Variants in UXS1 observed in about 807,000 individuals in gnomAD.
The protein encoded by UXS1 is UDP-glucuronate decarboxylase 1, also known as UDP-glucuronic acid decarboxylase 1.
UXS1 carries 33 observed loss-of-function variants against 62.6 expected under a neutral mutation model. The observed-to-expected ratio is 0.53, with a 90% confidence interval of 0.40 to 0.70. The LOEUF (loss-of-function observed/expected upper bound fraction) is 0.70. UXS1 is among the 30% of genes least tolerant of loss of function. The pLI is 0.00. For synonymous variants in UXS1, 213 were observed against 206.8 expected, an observed-to-expected ratio of 1.03 and a Z score of -0.26; for missense variants, 434 against 556.3, an observed-to-expected ratio of 0.78 and a Z score of 2.21.
intron 1 of UXS1, among the ~76,000 whole-genome samples, chr2:106,191,392 C>G (rs1161843688): frequency 6.6e-6 from 1 of 152,250 alleles, no homozygotes; most frequent in Non-Finnish European, 1.5e-5. Context: ...TTAGAAAACA[C>G]AGACATCACG....
At chr2:106,116,928 T>G (rs1679104485) in intron 9 of UXS1, among the ~76,000 whole-genome samples, 1 of 152,218 alleles carries the variant, frequency 6.6e-6, no homozygotes, top group African/African-American at 2.4e-5. Flanking sequence ...TCAAAATTTC[T>G]TTTAAAATGC....
chr2:106,180,469 G>C (rs1684174428), intron 1 of UXS1, among the ~76,000 whole-genome samples: 1 of 152,298 alleles, frequency 6.6e-6, no homozygotes, highest in South Asian at 2.1e-4. Context: ...ATACTACAGA[G>C]AGAAAGCTCT....
At chr2:106,109,718 G>A (rs150057012) in intron 10 of UXS1, among the ~76,000 whole-genome samples, 2 of 152,266 alleles carry the variant, frequency 1.3e-5, no homozygotes, top group Non-Finnish European at 2.9e-5. Context: ...TTAACCCAGC[G>A]ACATACTCCC....
At chr2:106,187,023 T>G (rs776192206) in intron 1 of UXS1, among the ~76,000 whole-genome samples, 1 of 152,010 alleles carries the variant, frequency 6.6e-6, no homozygotes, top group African/African-American at 2.4e-5. Flanking sequence ...CTGTTACGTC[T>G]GCACCTTTCA....
chr2:106,153,963 C>T (rs1682232761), intron 5 of UXS1, among the ~76,000 whole-genome samples: 1 of 152,136 alleles, frequency 6.6e-6, no homozygotes, highest in Admixed American at 6.5e-5. Context: ...AGGGATTCAA[C>T]AGTCAATTGG....
At chr2:106,190,118 A>G (rs1482652986) in intron 1 of UXS1, among the ~76,000 whole-genome samples, 1 of 152,226 alleles carries the variant, frequency 6.6e-6, no homozygotes, top group African/African-American at 2.4e-5. Context: ...GACAACTGGC[A>G]AAGAGTTTGG....
chr2:106,155,002 G>C (rs1019544539), intron 5 of UXS1, among the ~76,000 whole-genome samples: 1 of 152,170 alleles, frequency 6.6e-6, no homozygotes, highest in South Asian at 2.1e-4. Context: ...CTAAGGGGGA[G>C]CAGGCATGTC....
At chr2:106,173,865 T>C (rs1399430227) in intron 1 of UXS1, among the ~76,000 whole-genome samples, 4 of 152,250 alleles carry the variant, frequency 2.6e-5, no homozygotes, top group East Asian at 1.9e-4. Context: ...ATATGGCCCA[T>C]GGGCCACAGT....
chr2:106,150,214 T>C (rs1482122708), intron 5 of UXS1, among the ~76,000 whole-genome samples: 2 of 152,152 alleles, frequency 1.3e-5, no homozygotes, highest in African/African-American at 2.4e-5. Context: ...AAAGACAGAT[T>C]GTATAACTAA....
intron 13 of UXS1, 64 bp from the exon 14 acceptor site, chr2:106,096,885 C>T (rs931488736): frequency 6.7e-7 from 1 of 1,481,934 alleles, no homozygotes; most frequent in Admixed American, 2.0e-5. Context: ...CACAGCCTTA[C>T]CATCCACATC....
intron 5 of UXS1, among the ~76,000 whole-genome samples, chr2:106,157,080 A>G (rs1682494445): frequency 6.6e-6 from 1 of 152,190 alleles, no homozygotes; most frequent in African/African-American, 2.4e-5. Context: ...GTGGTTGCCT[A>G]GAGATTGGGG....
chr2:106,159,660 T>C (rs1253261789), intron 4 of UXS1, among the ~76,000 whole-genome samples: 1 of 152,188 alleles, frequency 6.6e-6, no homozygotes, highest in African/African-American at 2.4e-5. Flanking sequence ...ATTATACTAA[T>C]TGGAAAGGTG....
At chr2:106,125,833 CA>C (rs1289007478) in intron 7 of UXS1, among the ~76,000 whole-genome samples, 154 bp from the exon 8 acceptor site, 1 of 152,140 alleles carries the variant, frequency 6.6e-6, no homozygotes, top group Non-Finnish European at 1.5e-5. Flanking sequence ...CCAAAATAAA[CA>C]AAACAAATAC....
intron 1 of UXS1, among the ~76,000 whole-genome samples, chr2:106,171,748 T>C (rs1296420069): frequency 6.6e-6 from 1 of 152,248 alleles, no homozygotes; most frequent in East Asian, 1.9e-4. Context: ...CCATTTTAAA[T>C]GGCTACAGTA....
intron 5 of UXS1, among the ~76,000 whole-genome samples, chr2:106,148,585 C>A (rs574783074): frequency 6.6e-6 from 1 of 152,300 alleles, no homozygotes; most frequent in East Asian, 1.9e-4. Flanking sequence ...GTTGGAAGCA[C>A]CTTAGCTTGA....
intron 1 of UXS1, among the ~76,000 whole-genome samples, chr2:106,188,577 A>T (rs1379310584): frequency 6.6e-6 from 1 of 152,228 alleles, no homozygotes; most frequent in Non-Finnish European, 1.5e-5. Context: ...CAGGTTACTG[A>T]TTAGGCTACA....
chr2:106,143,507 T>C (rs1175649763), intron 6 of UXS1, among the ~76,000 whole-genome samples: 4 of 150,140 alleles, frequency 2.7e-5, no homozygotes, highest in Non-Finnish European at 5.9e-5. Flanking sequence ...AGTAGTTTTC[T>C]ATTGCTGCCT....
chr2:106,178,745 C>T (rs551915071), intron 1 of UXS1, among the ~76,000 whole-genome samples: 7 of 151,438 alleles, frequency 4.6e-5, no homozygotes, highest in South Asian at 4.2e-4. Context: ...GGCACTGGCC[C>T]CCACCCCCAG....
chr2:106,152,579 AG>A (rs1682119839), intron 5 of UXS1, among the ~76,000 whole-genome samples: 2 of 151,110 alleles, frequency 1.3e-5, no homozygotes, highest in Non-Finnish European at 3.0e-5. Flanking sequence ...AAGGAAGGAA[AG>A]GAAAGAAAGA....
Sources: gnomAD v4.1 joint callset for allele counts (sites outside exome capture counted in the v4.1 genomes callset) on GRCh38, gnomAD v4.1.1 for gene constraint, MANE v1.5 for transcripts, NCBI Gene and HGNC (gene_info 2026-07-23, HGNC 2026-07-21) for gene names.